Variants in TRAM2 observed in about 807,000 individuals in gnomAD.
TRAM2 encodes translocating chain-associated membrane protein 2.
TRAM2 carries 12 observed loss-of-function variants against 51.0 expected under a neutral mutation model. The observed-to-expected ratio is 0.24, with a 90% CI of 0.15 to 0.38. The LOEUF is 0.38. Ranked by LOEUF, TRAM2 falls within the 10% of genes least tolerant of loss-of-function variation. The pLI is 1.00. For synonymous variants in TRAM2, 175 were observed against 179.4 expected (o/e 0.98, Z 0.20); for missense variants, 361 against 462.0 (o/e 0.78, Z 2.00).
At chr6:52,516,204 C>G (rs1040805735) in intron 3 of TRAM2, 82 bp from the exon 4 acceptor site, 2 of 1,294,546 alleles carry the variant, frequency 1.5e-6, no homozygotes, top group African/African-American at 3.0e-5. Context: ...ATTCTCCCCA[C>G]AGAAGGGTTG....
At chr6:52,554,845 C>A (rs1450041403) in intron 1 of TRAM2, among the ~76,000 whole-genome samples, 2 of 151,066 alleles carry the variant, frequency 1.3e-5, no homozygotes, top group Non-Finnish European at 2.9e-5. Flanking sequence ...CACAGCTCAC[C>A]ACAGCCTCAA....
chr6:52,550,511 C>T (rs1480339541), intron 1 of TRAM2, among the ~76,000 whole-genome samples: 1 of 152,142 alleles, frequency 6.6e-6, no homozygotes, highest in Non-Finnish European at 1.5e-5. Flanking sequence ...TAATTAACCT[C>T]ATCAACGTAA....
chr6:52,544,063 C>G (rs1463916473), intron 1 of TRAM2, among the ~76,000 whole-genome samples: 1 of 152,174 alleles, frequency 6.6e-6, no homozygotes, highest in Non-Finnish European at 1.5e-5. Flanking sequence ...AAGAGCTAGG[C>G]ACGTGGATTA....
intron 2 of TRAM2, among the ~76,000 whole-genome samples, chr6:52,530,132 G>A (rs953753808): frequency 6.6e-6 from 1 of 152,106 alleles, no homozygotes; most frequent in Non-Finnish European, 1.5e-5. Flanking sequence ...GATATTTATT[G>A]TTTATCTGAA....
chr6:52,513,383 A>G (rs545133330), intron 4 of TRAM2, among the ~76,000 whole-genome samples: 4 of 152,354 alleles, frequency 2.6e-5, no homozygotes, highest in African/African-American at 9.6e-5. Context: ...TTTAGTGGGC[A>G]CTTAGTATGT....
At chr6:52,507,230 C>T (rs1402125637) in intron 7 of TRAM2, among the ~76,000 whole-genome samples, 1 of 152,178 alleles carries the variant, frequency 6.6e-6, no homozygotes, top group East Asian at 1.9e-4. Flanking sequence ...AGCCATGGTT[C>T]AAAGGCCGAC....
At chr6:52,570,610 C>A (rs1210278582) in intron 1 of TRAM2, among the ~76,000 whole-genome samples, 1 of 152,110 alleles carries the variant, frequency 6.6e-6, no homozygotes, top group East Asian at 1.9e-4. Flanking sequence ...ATCCCGATTA[C>A]AGGGTGAGGC....
chr6:52,563,850 T>C (rs2114105835), intron 1 of TRAM2, among the ~76,000 whole-genome samples: 1 of 116,678 alleles, frequency 8.6e-6, no homozygotes, highest in African/African-American at 3.2e-5. Context: ...CAAAAACACT[T>C]ATTTTTTTTT....
chr6:52,570,709 G>A (rs1444935343), intron 1 of TRAM2, among the ~76,000 whole-genome samples: 1 of 151,700 alleles, frequency 6.6e-6, no homozygotes, highest in Non-Finnish European at 1.5e-5. Context: ...TTGGTGGAGA[G>A]CCACAGAGCA....
At chr6:52,561,422 A>G (rs1767498172) in intron 1 of TRAM2, among the ~76,000 whole-genome samples, 1 of 151,840 alleles carries the variant, frequency 6.6e-6, no homozygotes, top group African/African-American at 2.4e-5. Flanking sequence ...AGCTGGTACT[A>G]CAGGTATATG....
At chr6:52,530,296 T>A (rs1766862702) in intron 2 of TRAM2, among the ~76,000 whole-genome samples, 1 of 152,186 alleles carries the variant, frequency 6.6e-6, no homozygotes, top group Admixed American at 6.5e-5. Flanking sequence ...TCCACCAGGA[T>A]GCATAAGATG....
At chr6:52,553,419 T>G (rs1482265297) in intron 1 of TRAM2, among the ~76,000 whole-genome samples, 1 of 152,248 alleles carries the variant, frequency 6.6e-6, no homozygotes, top group East Asian at 1.9e-4. Flanking sequence ...GGAACCCTTG[T>G]GTAGCAGCAT....
At chr6:52,520,799 T>C (rs1766658079) in intron 2 of TRAM2, among the ~76,000 whole-genome samples, 1 of 152,182 alleles carries the variant, frequency 6.6e-6, no homozygotes, top group Admixed American at 6.5e-5. Context: ...ACCATTCCTC[T>C]GACCTCTTAC....
chr6:52,571,498 G>A (rs987125750), intron 1 of TRAM2, among the ~76,000 whole-genome samples: 11 of 152,204 alleles, frequency 7.2e-5, no homozygotes, highest in African/African-American at 2.7e-4. Context: ...CAAGAGAAAA[G>A]TGATACCTAT....
At chr6:52,503,570 C>T (rs1766282403) in intron 10 of TRAM2, among the ~76,000 whole-genome samples, 1 of 152,110 alleles carries the variant, frequency 6.6e-6, no homozygotes. Context: ...ACAACAGAGG[C>T]CAGCCTGCCC....
chr6:52,560,726 C>A (rs1039161440), intron 1 of TRAM2, among the ~76,000 whole-genome samples: 1 of 152,196 alleles, frequency 6.6e-6, no homozygotes, highest in East Asian at 1.9e-4. Flanking sequence ...TCAAATATAA[C>A]TCTCAATAAC....
At chr6:52,505,502 G>A (rs1313255012) in intron 9 of TRAM2, 97 bp downstream of exon 9, 18 of 1,457,684 alleles carry the variant, frequency 1.2e-5, no homozygotes, top group Non-Finnish European at 1.7e-5. Flanking sequence ...CAATATGTGG[G>A]AGACTAAAGG....
chr6:52,514,986 C>T (rs1456386186), intron 4 of TRAM2, among the ~76,000 whole-genome samples: 2 of 152,176 alleles, frequency 1.3e-5, no homozygotes, highest in Non-Finnish European at 2.9e-5. Flanking sequence ...GAAAGCTGCT[C>T]TATGATGAAA....
chr6:52,507,992 AG>A (rs1438850526), intron 6 of TRAM2, among the ~76,000 whole-genome samples: 3 of 152,204 alleles, frequency 2.0e-5, no homozygotes, highest in African/African-American at 7.2e-5. Context: ...ATAAGATGAG[AG>A]TTAGGTTTCC....
Sources: gnomAD v4.1 joint callset for allele counts (sites outside exome capture counted in the v4.1 genomes callset) on GRCh38, gnomAD v4.1.1 for gene constraint, MANE v1.5 for transcripts, NCBI Gene and HGNC (gene_info 2026-07-23, HGNC 2026-07-21) for gene names.